Variants in PABPN1L observed in about 807,000 individuals in gnomAD.
PABPN1L encodes the protein embryonic polyadenylate-binding protein 2.
PABPN1L carries 45 observed loss-of-function variants against 34.0 expected under a neutral mutation model. The ratio of observed to expected loss-of-function variants is 1.32; its 90% CI spans 1.04 to 1.70. The LOEUF is 1.70. Ranked by LOEUF, PABPN1L falls within the 40% of genes most tolerant of loss-of-function variation. The pLI, the probability that PABPN1L is intolerant of heterozygous loss-of-function variation, is 0.00. For missense variants in PABPN1L, 459 were observed against 367.8 expected (o/e 1.25, Z -2.03); for synonymous variants, 182 against 152.1 (o/e 1.20, Z -1.45).
upstream of PABPN1L, among the ~76,000 whole-genome samples, chr16:88,869,656 C>T (rs116177645): frequency 0.014 from 2,118 of 152,364 alleles, 53 homozygotes; most frequent in African/African-American, 0.048. Flanking sequence ...TGCCAGCACC[C>T]GTGCCTCCAC....
upstream of PABPN1L, among the ~76,000 whole-genome samples, chr16:88,868,514 G>C (rs8059122): frequency 0.058 from 8,807 of 152,210 alleles, 549 homozygotes; most frequent in African/African-American, 0.16. Context: ...GCTGAGGCAG[G>C]AGAATCACTT....
Position 88,864,703 on chromosome 16 carries a change from G to A in PABPN1L, c.654+150C>T, listed in dbSNP as rs1968545230. 4.2e-6 allele frequency: 4 copies of A among 946,920 alleles called. No individual in the cohort carries two copies. The South Asian group carries it at 5.0e-5, about 12-fold the overall frequency. 58.7% of individuals were successfully genotyped at this position (946,920 alleles called of 1,614,324 possible). ...GACCAAACCCAGCTTCAGGTCCGAG[G>A]GTCCCGCCACATCCTGTCCAGGCCC... On this transcript the variant is annotated intron_variant, in intron 5 of 6. Coordinates refer to ENST00000419291, the Ensembl canonical transcript of PABPN1L.
chr16:88,863,357 TTAA>T (rs1427088938), exon 7 of PABPN1L: 4 of 292,844 alleles, frequency 1.4e-5, no homozygotes, highest in African/African-American at 6.6e-5. Context: ...GAGCCCAAGT[TTAA>T]TAATTTATGC....
At chr16:88,868,957 C>T (rs1968651790), upstream of PABPN1L, among the ~76,000 whole-genome samples, 1 of 152,224 alleles carries the variant, frequency 6.6e-6, no homozygotes, top group African/African-American at 2.4e-5. Flanking sequence ...GCTGCTAGAT[C>T]ACACTATCTG....
chr16:88,867,770 G>T (rs987745447), upstream of PABPN1L, among the ~76,000 whole-genome samples: 2 of 152,224 alleles, frequency 1.3e-5, no homozygotes, highest in Admixed American at 6.5e-5. Context: ...CTCTGCACCT[G>T]CCACCGCGGC....
chr16:88,867,641 G>T (rs544863613), upstream of PABPN1L, among the ~76,000 whole-genome samples: 54 of 152,236 alleles, frequency 3.5e-4, no homozygotes, highest in Admixed American at 5.9e-4. Flanking sequence ...GGGTCTCCGT[G>T]GGGAGTGACG....
upstream of PABPN1L, among the ~76,000 whole-genome samples, chr16:88,868,893 G>A (rs1003587544): frequency 1.3e-5 from 2 of 152,180 alleles, no homozygotes; most frequent in Non-Finnish European, 2.9e-5. Context: ...ATTCGCCTCC[G>A]GTGAGCGGAG....
upstream of PABPN1L, among the ~76,000 whole-genome samples, chr16:88,869,038 T>C (rs528766436): frequency 1.5e-4 from 23 of 152,334 alleles, no homozygotes; most frequent in East Asian, 3.1e-3. Flanking sequence ...GTAAGCGCGA[T>C]GCGAGGAGGC....
At chr16:88,867,576 T>G (rs1255013026), upstream of PABPN1L, among the ~76,000 whole-genome samples, 1 of 152,062 alleles carries the variant, frequency 6.6e-6, no homozygotes. Flanking sequence ...CCAGAATTAT[T>G]CTGCTGTGGG....
chr16:88,865,477 T>G, intron 3 of PABPN1L, 86 bp downstream of exon 3: 1 of 1,510,526 alleles, frequency 6.6e-7, no homozygotes, highest in Non-Finnish European at 9.0e-7. Context: ...CCAGCAAGGC[T>G]GCCTGGCCCA....
chr16:88,863,880 G>T, intron 6 of PABPN1L, 85 bp from the exon 7 acceptor site: 1 of 1,353,650 alleles, frequency 7.4e-7, no homozygotes, highest in Non-Finnish European at 1.0e-6. Context: ...ACAGGATAAG[G>T]ATGCAGGGAG....
chr16:88,864,061 G>C (rs1204907523), intron 6 of PABPN1L, among the ~76,000 whole-genome samples, 176 bp downstream of exon 6: 1 of 151,506 alleles, frequency 6.6e-6, no homozygotes, highest in Non-Finnish European at 1.5e-5. Context: ...TCCCAGCAGA[G>C]AGGCTACAAA....
exon 1 of PABPN1L, chr16:88,866,406 A>G (rs1291093608): frequency 2.3e-5 from 35 of 1,551,122 alleles, no homozygotes; most frequent in Non-Finnish European, 3.0e-5. Flanking sequence ...GAGACAGCAG[A>G]AAGCCTGCAT....
At chr16:88,865,615 C>T (rs997689668) in exon 3 of PABPN1L, 1 of 1,609,546 alleles carries the variant, frequency 6.2e-7, no homozygotes, top group Non-Finnish European at 8.5e-7. Context: ...CTCGGGGGTC[C>T]CAGAGAGGGG....
chr16:88,869,923 GA>G (rs2143021603), upstream of PABPN1L, among the ~76,000 whole-genome samples: 1 of 152,334 alleles, frequency 6.6e-6, no homozygotes, highest in African/African-American at 2.4e-5. Context: ...AGCCGGGCCT[GA>G]GGATTCATGG....
rs373190927 is a variant in PABPN1L at position 88,865,582 on chromosome 16, C to T, written c.440G>A (p.Arg147Lys). The change falls in exon 3 of 7, where the codon AGA (arginine) becomes AAA (lysine). Residue 147 changes from arginine to lysine, a missense_variant. By Grantham distance (26) the Arg-to-Lys change is conservative (BLOSUM62 2). Transcript: ENST00000419291. ...ACTCACGTTGCCCACGTAGACGGAT[C>T]TGTGGTCAGCCTCCACCTTCTCCTC... The T allele has an allele frequency of 3.1e-6, 5 of 1,611,986 alleles. No individual in the cohort carries two copies. Among genetic ancestry groups the T allele is most frequent in the African/African-American group, 1.3e-5 (1 of 75,010 alleles).
intron 1 of PABPN1L, 121 bp downstream of exon 1, chr16:88,866,231 G>C: frequency 7.1e-7 from 1 of 1,410,360 alleles, no homozygotes; most frequent in South Asian, 1.4e-5. Context: ...CCAGGCAGGT[G>C]GGCAATGGCC....
chr16:88,868,024 G>A (rs28374933), upstream of PABPN1L, among the ~76,000 whole-genome samples: 173 of 152,310 alleles, frequency 1.1e-3, 1 homozygote, highest in African/African-American at 4.0e-3. Context: ...GAGACAGGGC[G>A]TGGCCTAGGC....
chr16:88,866,818 ACT>A (rs1051729085), upstream of PABPN1L, among the ~76,000 whole-genome samples: 16 of 151,724 alleles, frequency 1.1e-4, no homozygotes, highest in African/African-American at 3.9e-4. Context: ...CCTCCAGGAC[ACT>A]CTCCCTGGAG....
Sources: gnomAD v4.1 joint callset for allele counts (sites outside exome capture counted in the v4.1 genomes callset) on GRCh38, gnomAD v4.1.1 for gene constraint, MANE v1.5 for transcripts, NCBI Gene and HGNC (gene_info 2026-07-23, HGNC 2026-07-21) for gene names.